The following CACNA2D3 variants were observed in gnomAD, a reference collection of about 807,000 sequenced individuals.
The protein encoded by CACNA2D3 is voltage-dependent calcium channel subunit alpha-2/delta-3.
A neutral mutation model predicts 160.6 loss-of-function variants in CACNA2D3; 60 were observed. The ratio of observed to expected loss-of-function variants is 0.37; its 90% CI spans 0.30 to 0.46. CACNA2D3 has a LOEUF of 0.46. CACNA2D3 is among the 20% of genes least tolerant of loss of function. CACNA2D3 has a pLI of 1.00. For synonymous variants in CACNA2D3, 558 were observed against 492.9 expected, an observed-to-expected ratio of 1.13 and a Z score of -1.75; for missense variants, 1,205 against 1,365.0, an observed-to-expected ratio of 0.88 and a Z score of 1.85.
intron 11 of CACNA2D3, among the ~76,000 whole-genome samples, chr3:54,697,969 C>G (rs1479546407): frequency 6.6e-6 from 1 of 152,118 alleles, no homozygotes; most frequent in Non-Finnish European, 1.5e-5. Flanking sequence ...AAATCATGCA[C>G]AATATGTTAC....
chr3:55,029,423 C>A (rs1271525590), intron 35 of CACNA2D3, among the ~76,000 whole-genome samples: 1 of 152,132 alleles, frequency 6.6e-6, no homozygotes, highest in Non-Finnish European at 1.5e-5. Context: ...AGAATAAATG[C>A]TTCATAAATG....
chr3:54,753,022 A>C (rs944388355), intron 12 of CACNA2D3, among the ~76,000 whole-genome samples: 32 of 151,916 alleles, frequency 2.1e-4, no homozygotes, highest in African/African-American at 7.5e-4. Flanking sequence ...CACAATACCC[A>C]GCTAATTTTT....
At chr3:54,870,103 G>A (rs1699491048) in intron 17 of CACNA2D3, among the ~76,000 whole-genome samples, 1 of 152,172 alleles carries the variant, frequency 6.6e-6, no homozygotes, top group African/African-American at 2.4e-5. Flanking sequence ...CAGAGTTCCT[G>A]AAATGCAGTT....
chr3:54,763,834 T>TGTACATATACGTATATATAC (rs1559573894), intron 12 of CACNA2D3, among the ~76,000 whole-genome samples: 1 of 38,688 alleles, frequency 2.6e-5, no homozygotes, highest in Non-Finnish European at 5.8e-5. Flanking sequence ...CGTATATATA[T>TGTACATATACGTATATATAC]GTATATATAT....
chr3:54,504,914 C>A (rs1701345730), intron 5 of CACNA2D3, among the ~76,000 whole-genome samples: 1 of 152,122 alleles, frequency 6.6e-6, no homozygotes, highest in African/African-American at 2.4e-5. Context: ...ACAACAGTAC[C>A]ATACAGAAAG....
chr3:54,878,774 A>G (rs1213015813), intron 18 of CACNA2D3: 2 of 343,662 alleles, frequency 5.8e-6, no homozygotes, highest in Non-Finnish European at 5.2e-6. Context: ...AGTATCGCCA[A>G]GGCTCTTTTG....
At position 54,976,359 on chromosome 3, in the gene CACNA2D3, A is replaced by G. The variant is rs550112102; in HGVS notation, c.2556+6515A>G. 6.6e-5 allele frequency among the ~76,000 whole-genome samples: 10 copies of G among 150,658 alleles called. No homozygotes were observed. In the East Asian group the frequency reaches 2.0e-3, roughly 30 times the overall value. ...GGTGGGGGGAGGGGGGAGAGATAGCATTGGGAGATATACCTAATGCTAGAT... is the reference window on the plus strand; with the variant it reads ...GGTGGGGGGAGGGGGGAGAGATAGCGTTGGGAGATATACCTAATGCTAGAT... On this transcript the variant is annotated intron_variant, in intron 29 of 37. Coordinates refer to ENST00000474759, the MANE Select transcript of CACNA2D3 (RefSeq NM_018398.3).
chr3:54,631,203 A>AACACACACACACACACACACAC (rs67944483), intron 10 of CACNA2D3, among the ~76,000 whole-genome samples: 239 of 145,862 alleles, frequency 1.6e-3, no homozygotes, highest in African/African-American at 5.4e-3. Flanking sequence ...GACTCCATCA[A>AACACACACACACACACACACAC]ACACACACAC....
At chr3:54,740,291 A>G (rs1701624026) in intron 11 of CACNA2D3, among the ~76,000 whole-genome samples, 1 of 152,154 alleles carries the variant, frequency 6.6e-6, no homozygotes, top group Non-Finnish European at 1.5e-5. Context: ...TTACTGACTG[A>G]AGGTAAGAAA....
intron 4 of CACNA2D3, among the ~76,000 whole-genome samples, chr3:54,490,680 C>G (rs531999170): frequency 2.0e-5 from 3 of 152,318 alleles, no homozygotes; most frequent in Non-Finnish European, 2.9e-5. Flanking sequence ...ACAGATGCTC[C>G]AGGAATCCAG....
At chr3:54,287,746 G>C (rs56013204) in intron 2 of CACNA2D3, among the ~76,000 whole-genome samples, 16,918 of 129,538 alleles carry the variant, frequency 0.13, 1,440 homozygotes, top group East Asian at 0.19. Flanking sequence ...ACAGTGCAAT[G>C]AAACTAGAAC....
At chr3:54,775,851 G>C (rs1458655050) in intron 13 of CACNA2D3, among the ~76,000 whole-genome samples, 2 of 152,142 alleles carry the variant, frequency 1.3e-5, no homozygotes, top group Admixed American at 6.5e-5. Flanking sequence ...GGCAGCCCCA[G>C]GAGGGATAAG....
intron 11 of CACNA2D3, among the ~76,000 whole-genome samples, chr3:54,683,105 A>G (rs1700384839): frequency 6.6e-6 from 1 of 152,168 alleles, no homozygotes; most frequent in African/African-American, 2.4e-5. Flanking sequence ...TTTCTCACTG[A>G]CAGGAATAAA....
At chr3:54,942,182 A>G (rs1179181651) in intron 27 of CACNA2D3, among the ~76,000 whole-genome samples, 1 of 152,232 alleles carries the variant, frequency 6.6e-6, no homozygotes, top group Non-Finnish European at 1.5e-5. Context: ...GGGCAGTGAT[A>G]CAACCGTGTA....
In CACNA2D3 at chr3:55,073,273, A is replaced by T. The variant is rs528776375; in HGVS notation, c.2988-172A>T. ...TGTTGTTTTCCTAGTGAAGCTAGGT[A>T]TTTGTAAGTGAAGAGCCTCATGGAG... On this transcript the variant is annotated intron_variant, in intron 35 of 37. Coordinates refer to ENST00000474759, the MANE Select transcript of CACNA2D3 (RefSeq NM_018398.3). Among the ~76,000 whole-genome samples, 41 of 152,276 alleles carry T rather than the reference A, an allele frequency of 2.7e-4. No individual in the cohort carries two copies. In the East Asian group the frequency reaches 7.9e-3, roughly 29 times the overall value.
chr3:54,775,476 T>A (rs377084243), intron 13 of CACNA2D3, among the ~76,000 whole-genome samples: 2 of 152,298 alleles, frequency 1.3e-5, no homozygotes, highest in East Asian at 1.9e-4. Flanking sequence ...ATTGTTTTCA[T>A]CTTTCCTTGC....
chr3:54,280,303 G>A (rs1423409531), intron 2 of CACNA2D3, among the ~76,000 whole-genome samples: 2 of 152,012 alleles, frequency 1.3e-5, no homozygotes, highest in Non-Finnish European at 2.9e-5. Flanking sequence ...GGATGGTCTC[G>A]ATCTCCTGAC....
At chr3:54,481,326 G>A (rs537916142) in intron 4 of CACNA2D3, among the ~76,000 whole-genome samples, 110 of 152,324 alleles carry the variant, frequency 7.2e-4, no homozygotes, top group African/African-American at 2.5e-3. Flanking sequence ...TGTGTTTCCA[G>A]TGTGTTCCTG....
At chr3:54,969,468 C>T (rs750343265) in intron 28 of CACNA2D3, among the ~76,000 whole-genome samples, 11 of 152,062 alleles carry the variant, frequency 7.2e-5, no homozygotes, top group Non-Finnish European at 1.5e-4. Context: ...GCCATGTGGC[C>T]AGGCTGGTCT....
Sources: gnomAD v4.1 joint callset for allele counts (sites outside exome capture counted in the v4.1 genomes callset) on GRCh38, gnomAD v4.1.1 for gene constraint, MANE v1.5 for transcripts, NCBI Gene and HGNC (gene_info 2026-07-23, HGNC 2026-07-21) for gene names.